The following PBX4 variants were observed in gnomAD, a reference collection of about 807,000 sequenced individuals.
The protein encoded by PBX4 is pre-B-cell leukemia transcription factor 4.
A neutral mutation model predicts 35.1 loss-of-function variants in PBX4; 26 were observed. The ratio of observed to expected loss-of-function variants is 0.74; its 90% confidence interval spans 0.54 to 1.03. PBX4 has a LOEUF of 1.03. PBX4 is among the 50% of genes least tolerant of loss of function. PBX4 has a pLI of 0.00. For missense variants in PBX4, 448 were observed against 504.3 expected (o/e 0.89, Z 1.07); for synonymous variants, 199 against 204.2 (o/e 0.97, Z 0.22).
At position 19,563,080 on chromosome 19, in the gene PBX4, G is replaced by A. The variant is rs964825068; in HGVS notation, c.1032+429C>T. Among the ~76,000 whole-genome samples, 1 of 152,142 alleles carries A rather than the reference G, an allele frequency of 6.6e-6. No individual in the cohort carries two copies. ...TGGGCCTCCTCAGTGTCTTCAAGAC[G>A]GTCCCCACTCGCTGCCTTCCCAGCC... is the stretch of plus-strand genomic sequence containing the variant. On this transcript the variant is annotated intron_variant, in intron 7 of 7. Coordinates refer to ENST00000251203, the MANE Select transcript of PBX4 (RefSeq NM_025245.3). This position sits in a 1 kb window ranked among gnomAD's most constrained non-coding sequence, Gnocchi z 5.1.
At chr19:19,601,662 G>A (rs889813164) in intron 1 of PBX4, among the ~76,000 whole-genome samples, 3 of 152,156 alleles carry the variant, frequency 2.0e-5, no homozygotes, top group Non-Finnish European at 4.4e-5. Flanking sequence ...CCAGATGTGG[G>A]CAGAGAAAGT....
rs1413853053 is a variant in PBX4, at chr19:19,563,516, T to G, written c.1025A>C (p.Gln342Pro). ...LQPPPGGGCL[Q>P]SQAQGSWQGA... ...ACAGTGCCTGAGACTCACCTGGGAC[T>G]GCAGGCAGCCTCCCCCAGGAGGAGG... Residue 342 changes from glutamine (Q) to proline (P), a missense_variant, in exon 7 of 8, where the codon CAG (glutamine) becomes CCG (proline). Transcript: ENST00000251203. This position sits in a 1 kb window ranked among gnomAD's most constrained non-coding sequence, Gnocchi z 5.1. 2.6e-6 allele frequency: 4 copies of G among 1,549,738 alleles called. No individual in the cohort carries two copies. The highest frequency in any genetic ancestry group is 2.6e-6 in the Non-Finnish European group (3 of 1,146,420).
chr19:19,588,146 A>G (rs1053208924), intron 2 of PBX4: 3 of 1,163,476 alleles, frequency 2.6e-6, no homozygotes, highest in Non-Finnish European at 3.8e-6. Flanking sequence ...AGAGCTCCCC[A>G]AATAGACAAT....
chr19:19,601,100 CA>C (rs2144774356), intron 1 of PBX4, among the ~76,000 whole-genome samples: 1 of 152,168 alleles, frequency 6.6e-6, no homozygotes, highest in East Asian at 1.9e-4. Flanking sequence ...ACAAGAAACC[CA>C]TCAGCCGTGG....
At chr19:19,598,173 C>T (rs1044896958) in intron 2 of PBX4, among the ~76,000 whole-genome samples, 3 of 152,168 alleles carry the variant, frequency 2.0e-5, no homozygotes, top group Middle Eastern at 3.4e-3. Context: ...TTGTACTCAG[C>T]GTAATTTCCT....
intron 2 of PBX4, among the ~76,000 whole-genome samples, chr19:19,593,913 C>T (rs2061543542): frequency 6.6e-6 from 1 of 151,510 alleles, no homozygotes; most frequent in East Asian, 2.0e-4. Flanking sequence ...ATCACTTGAG[C>T]TCAGGAGTTC....
intron 2 of PBX4, among the ~76,000 whole-genome samples, chr19:19,588,799 C>G (rs2061507456): frequency 6.6e-6 from 1 of 152,164 alleles, no homozygotes; most frequent in Admixed American, 6.6e-5. Flanking sequence ...ATCCAATGCC[C>G]TGACTACTCT....
chr19:19,616,660 T>C (rs1427131244), intron 1 of PBX4, among the ~76,000 whole-genome samples: 1 of 151,760 alleles, frequency 6.6e-6, no homozygotes, highest in African/African-American at 2.4e-5. Flanking sequence ...CCCCATGTAA[T>C]TGGGTTCCAG....
intron 2 of PBX4, among the ~76,000 whole-genome samples, chr19:19,594,084 T>TA (rs1173832310): frequency 9.2e-5 from 12 of 129,808 alleles, no homozygotes; most frequent in Non-Finnish European, 9.8e-5. Context: ...GTGTCTTAAT[T>TA]AAAAAAAAAA....
At chr19:19,572,056 C>A (rs8101737) in intron 2 of PBX4, among the ~76,000 whole-genome samples, 4 of 124,976 alleles carry the variant, frequency 3.2e-5, no homozygotes, top group South Asian at 5.4e-4. Flanking sequence ...AAAAAGTGTT[C>A]TCTTAGAATC....
In PBX4 at chr19:19,570,265, A is replaced by G; in HGVS notation, c.476T>C (p.Leu159Pro). 2 of 1,612,322 alleles carry G rather than the reference A, an allele frequency of 1.2e-6. No homozygotes were observed. The highest frequency in any genetic ancestry group is 4.5e-5 in the East Asian group (2 of 44,856). Reference sequence around the variant, plus strand: ...CCTCATCCTGCTCTGCTCCTGGAGGAGGTTGGTGACGTGCGTGGTGAACTC... The same window carrying G: ...CCTCATCCTGCTCTGCTCCTGGAGGGGGTTGGTGACGTGCGTGGTGAACTC... Reference protein sequence around the residue: ...CREFTTHVTNLLQEQSRMRPV... With the variant: ...CREFTTHVTNPLQEQSRMRPV... Residue 159 changes from leucine to proline, a missense_variant, in exon 4 of 8, where the codon CTC (leucine) becomes CCC (proline). Leu to Pro is a moderately conservative substitution (Grantham distance 98, BLOSUM62 -3). Coordinates refer to ENST00000251203, the MANE Select transcript of PBX4 (RefSeq NM_025245.3).
At position 19,565,079 on chromosome 19, in the gene PBX4, CAGTT is replaced by C; in HGVS notation, c.775_778del (p.Asn259GlyfsTer120). ...ATACCGGATTCTTTTGTTGCCAAAC[CAGTT>C]AGAGACCTGCGGACACACAGGAGTC... On this transcript the variant is annotated frameshift_variant, in exon 6 of 8. Coordinates refer to ENST00000251203, the MANE Select transcript of PBX4 (RefSeq NM_025245.3). LOFTEE classifies it high-confidence loss of function. The C allele has an allele frequency of 6.2e-7, 1 of 1,614,188 alleles. No homozygotes were observed. Among genetic ancestry groups the C allele is most frequent in the Non-Finnish European group, 8.5e-7 (1 of 1,180,040 alleles).
At chr19:19,602,738 T>TG (rs1055857968) in intron 1 of PBX4, among the ~76,000 whole-genome samples, 3 of 56,374 alleles carry the variant, frequency 5.3e-5, no homozygotes, top group Admixed American at 1.9e-4. Flanking sequence ...ATTAATTATG[T>TG]TTTTTTTTTA....
At chr19:19,585,962 A>C (rs928003118) in intron 2 of PBX4, among the ~76,000 whole-genome samples, 6 of 152,208 alleles carry the variant, frequency 3.9e-5, no homozygotes, top group African/African-American at 1.4e-4. Context: ...TGGTCTCTTC[A>C]CACGGACGCG....
intron 2 of PBX4, among the ~76,000 whole-genome samples, chr19:19,572,854 C>CAAAAAA (rs36044843): frequency 1.4e-5 from 1 of 70,082 alleles, no homozygotes; most frequent in Non-Finnish European, 2.8e-5. Flanking sequence ...GACTCCGTCT[C>CAAAAAA]AAAAAAAAAA....
Position 19,562,892 on chromosome 19 carries a change from CG to C in PBX4, c.1032+616del, listed in dbSNP as rs2061316712. Among the ~76,000 whole-genome samples, 6 of 152,178 alleles carry C rather than the reference CG, an allele frequency of 3.9e-5. No homozygotes were observed. The South Asian group carries it at 1.2e-3, about 32-fold the overall frequency. On this transcript the variant is annotated intron_variant, in intron 7 of 7. Coordinates refer to ENST00000251203, the MANE Select transcript of PBX4 (RefSeq NM_025245.3). This position sits in a 1 kb window ranked among gnomAD's most constrained non-coding sequence, Gnocchi z 4.8. ...GCTGCCACAGCAGGACAGTGTGGGACGTGTGCTTCCCAGGACCAGGTGGGAC... is the reference window on the plus strand; with the variant it reads ...GCTGCCACAGCAGGACAGTGTGGGACTGTGCTTCCCAGGACCAGGTGGGAC...
At chr19:19,570,390 C>T in intron 3 of PBX4, 91 bp from the exon 4 acceptor site, 1 of 1,471,728 alleles carries the variant, frequency 6.8e-7, no homozygotes, top group Non-Finnish European at 9.2e-7. Context: ...CGCCTGCCAC[C>T]CCCTGTAGTT....
intron 2 of PBX4, among the ~76,000 whole-genome samples, chr19:19,573,328 T>TACACACACACAC (rs1387587008): frequency 4.5e-4 from 41 of 92,120 alleles, no homozygotes; most frequent in South Asian, 8.2e-4. Context: ...AAAAAAAAAA[T>TACACACACACAC]ATACACACAC....
intron 1 of PBX4, among the ~76,000 whole-genome samples, chr19:19,616,947 G>T (rs933975003): frequency 6.6e-6 from 1 of 152,174 alleles, no homozygotes; most frequent in African/African-American, 2.4e-5. Flanking sequence ...CTCCCAAAGT[G>T]CTGGGATTAC....
Sources: allele counts gnomAD v4.1 joint callset (sites outside exome capture counted in the v4.1 genomes callset), GRCh38; gene constraint gnomAD v4.1.1; non-coding constraint Gnocchi (gnomAD v3.1); transcripts MANE v1.5; gene names NCBI Gene and HGNC (gene_info 2026-07-23, HGNC 2026-07-21).